PPP1CB: variants seen among roughly 807,000 people sequenced by gnomAD.
The protein encoded by PPP1CB is serine/threonine-protein phosphatase PP1-beta catalytic subunit.
In PPP1CB, 2 loss-of-function variants were observed where a neutral mutation model predicts 43.7. The observed-to-expected ratio is 0.05, with a 90% CI of 0.02 to 0.14. The LOEUF is 0.14. Ranked by LOEUF, PPP1CB falls within the 10% of genes least tolerant of loss-of-function variation. The pLI is 1.00. For synonymous variants in PPP1CB, 136 were observed against 135.6 expected (o/e 1.00, Z -0.02); for missense variants, 84 against 398.0 (o/e 0.21, Z 6.71).
At chr2:28,755,383 A>ATTT (rs1172058276) in intron 1 of PPP1CB, among the ~76,000 whole-genome samples, 1 of 152,236 alleles carries the variant, frequency 6.6e-6, no homozygotes, top group African/African-American at 2.4e-5. Flanking sequence ...ATTTTAATAC[A>ATTT]AACATGCCAT....
intron 1 of PPP1CB, among the ~76,000 whole-genome samples, chr2:28,765,858 AT>A (rs1159304269): frequency 4.6e-5 from 7 of 152,216 alleles, no homozygotes; most frequent in African/African-American, 1.7e-4. Context: ...AGTGAGCCTC[AT>A]TACACCACTG....
rs773092573 is a variant in PPP1CB at position 28,781,072 on chromosome 2, G to A, written c.416-666G>A. The stretch of plus-strand genomic sequence containing the variant: ...TATTTAACTAGTCCACACACTGAAC[G>A]GAAAAAAATGAACTAAGAGCCTATT... On this transcript the variant is annotated intron_variant, in intron 3 of 7. Transcript: ENST00000395366. Among the ~76,000 whole-genome samples the A allele has an allele frequency of 4.6e-5, 7 of 151,840 alleles. No individual in the cohort carries two copies. The South Asian group carries it at 6.2e-4, about 14-fold the overall frequency.
At chr2:28,755,332 G>T (rs538262722) in intron 1 of PPP1CB, among the ~76,000 whole-genome samples, 1 of 152,136 alleles carries the variant, frequency 6.6e-6, no homozygotes, top group African/African-American at 2.4e-5. Flanking sequence ...GTGCCACCGC[G>T]CCTGACCTTG....
chr2:28,778,435 C>T, intron 2 of PPP1CB: 1 of 474,826 alleles, frequency 2.1e-6, no homozygotes, highest in South Asian at 1.5e-5. Context: ...CTGCAGTCAT[C>T]TGAAGGTTGA....
At chr2:28,776,204 C>T (rs140533122) in intron 1 of PPP1CB, among the ~76,000 whole-genome samples, 116 of 150,242 alleles carry the variant, frequency 7.7e-4, no homozygotes, top group Middle Eastern at 6.8e-3. Context: ...TTAAAGGGTG[C>T]GGGCTCTGAA....
chr2:28,782,325 T>G (rs538940833), intron 4 of PPP1CB, among the ~76,000 whole-genome samples: 31 of 152,312 alleles, frequency 2.0e-4, no homozygotes, highest in African/African-American at 6.5e-4. Flanking sequence ...TGAAATAAGC[T>G]TGAAGTTTTT....
In PPP1CB at chr2:28,778,541, G is replaced by T. The variant is rs573128526; in HGVS notation, c.185-268G>T. 7 of 494,672 alleles carry T rather than the reference G, an allele frequency of 1.4e-5. No individual in the cohort carries two copies. The East Asian group carries it at 2.7e-4, about 19-fold the overall frequency. 30.6% of individuals were successfully genotyped at this position (494,672 alleles called of 1,614,324 possible). A position where few individuals can be genotyped will look rare whatever the true frequency, so the allele number is the denominator to read the frequency against. On this transcript the variant is annotated intron_variant, in intron 2 of 7. Transcript: ENST00000395366. ...GAGGCCTCCCTCAGTTCTTTGCTAC[G>T]TGGGATGCTTCATTAGACAGCTGGT...
intron 1 of PPP1CB, among the ~76,000 whole-genome samples, chr2:28,758,858 C>T (rs1041297451): frequency 1.3e-5 from 2 of 152,144 alleles, no homozygotes; most frequent in South Asian, 2.1e-4. Flanking sequence ...GAGGGAATAG[C>T]GTTTGCTTTT....
In PPP1CB at chr2:28,789,991, T is replaced by C. The variant is rs192597561; in HGVS notation, c.744+1182T>C. Among the ~76,000 whole-genome samples, 5 of 151,658 alleles carry C rather than the reference T, an allele frequency of 3.3e-5. No homozygotes were observed. In the East Asian group the frequency reaches 9.7e-4, roughly 29 times the overall value. On this transcript the variant is annotated intron_variant, in intron 6 of 7. Transcript: ENST00000395366. ...AGTATTTTTGAGACCATTGAAGAAT[T>C]TGATTGTGGCTCAGTGCAGTGGCTC...
At chr2:28,763,728 G>A (rs1333166238) in intron 1 of PPP1CB, among the ~76,000 whole-genome samples, 7 of 152,000 alleles carry the variant, frequency 4.6e-5, no homozygotes, top group East Asian at 1.9e-4. Flanking sequence ...GTTTTGAGAC[G>A]GAGTCTCACT....
intron 7 of PPP1CB, among the ~76,000 whole-genome samples, chr2:28,796,220 A>C (rs777869237): frequency 1.3e-5 from 2 of 152,068 alleles, no homozygotes; most frequent in Non-Finnish European, 2.9e-5. Flanking sequence ...GAAGTTTGGT[A>C]GTGTGACGCT....
chr2:28,755,214 A>G (rs1306645186), intron 1 of PPP1CB, among the ~76,000 whole-genome samples: 6 of 151,766 alleles, frequency 4.0e-5, no homozygotes, highest in Non-Finnish European at 2.9e-5. Context: ...GCCCCGGCTA[A>G]TTTTGTATTT....
intron 1 of PPP1CB, among the ~76,000 whole-genome samples, chr2:28,763,836 T>A (rs1400529530): frequency 1.3e-5 from 2 of 152,004 alleles, no homozygotes; most frequent in African/African-American, 4.8e-5. Flanking sequence ...TCCCGAGTAA[T>A]CTGGGATTAC....
intron 7 of PPP1CB, among the ~76,000 whole-genome samples, chr2:28,794,939 A>G (rs569229576): frequency 1.3e-5 from 2 of 152,182 alleles, no homozygotes; most frequent in African/African-American, 4.8e-5. Flanking sequence ...TGGTGTATGA[A>G]TGATCTTATC....
In PPP1CB at chr2:28,801,394, A is replaced by G. The variant is rs1572475983; in HGVS notation, c.*2091A>G. 1 of 151,930 alleles carries G rather than the reference A, an allele frequency of 6.6e-6. No individual in the cohort carries two copies. Among genetic ancestry groups the G allele is most frequent in the East Asian group, 1.9e-4 (1 of 5,184 alleles). 9.4% of individuals were successfully genotyped at this position (151,930 alleles called of 1,614,324 possible). ...CCCATTGTCTGGCTTTTGTAAATTC[A>G]TCCAGGTCAAGACTAAGTATGTTGG... On this transcript the variant is annotated 3_prime_UTR_variant, in exon 8 of 8. Coordinates refer to ENST00000395366, the MANE Select transcript of PPP1CB (RefSeq NM_002709.3).
chr2:28,768,636 G>C (rs902630093), intron 1 of PPP1CB, among the ~76,000 whole-genome samples: 1 of 152,126 alleles, frequency 6.6e-6, no homozygotes, highest in African/African-American at 2.4e-5. Flanking sequence ...AAACAGACCA[G>C]CCCTCAGGAA....
chr2:28,799,277 A>G lies in PPP1CB; in HGVS notation c.958A>G (p.Thr320Ala). 3.1e-6 allele frequency: 5 copies of G among 1,608,010 alleles called. No individual in the cohort carries two copies. The highest frequency in any genetic ancestry group is 4.3e-6 in the Non-Finnish European group (5 of 1,174,526). ...TGGACGTCCTGTCACTCCACCTCGA[A>G]CAGCTAATCCGCCGAAGAAAAGGTG... ...NSGRPVTPPRTANPPKKR is the reference protein window; with the variant it reads ...NSGRPVTPPRAANPPKKR The change falls in exon 8 of 8, where the codon ACA (threonine) becomes GCA (alanine). Residue 320 changes from threonine (T) to alanine (A), a missense_variant. Thr to Ala is a moderately conservative substitution (Grantham distance 58). Around this residue, in one of 5 missense-constraint regions of PPP1CB, gnomAD observed 14 missense variants for 30.9 expected, o/e 0.45. Transcript: ENST00000395366.
At chr2:28,758,048 A>ATT (rs113722278) in intron 1 of PPP1CB, among the ~76,000 whole-genome samples, 28 of 143,554 alleles carry the variant, frequency 2.0e-4, no homozygotes, top group East Asian at 6.0e-4. Flanking sequence ...TTTTTAATTA[A>ATT]TTTTTTTTTT....
chr2:28,774,946 C>G (rs1412915492), intron 1 of PPP1CB, among the ~76,000 whole-genome samples: 1 of 152,132 alleles, frequency 6.6e-6, no homozygotes, highest in Non-Finnish European at 1.5e-5. Context: ...TGCTAAAGCA[C>G]ATTTGAATGT....
Sources: gnomAD v4.1 joint callset for allele counts (sites outside exome capture counted in the v4.1 genomes callset) on GRCh38, gnomAD v4.1.1 for gene constraint, gnomAD v4.1.1 regional missense constraint, MANE v1.5 for transcripts, NCBI Gene and HGNC (gene_info 2026-07-23, HGNC 2026-07-21) for gene names.